CDK11B: variants seen among roughly 807,000 people sequenced by gnomAD.
CDK11B encodes the protein cyclin-dependent kinase 11B.
Under a neutral mutation model 84.0 loss-of-function variants are expected in CDK11B, and 37 were observed. The observed-to-expected ratio is 0.44, with a 90% CI of 0.34 to 0.58. The LOEUF (loss-of-function observed/expected upper bound fraction) is 0.58. CDK11B is among the 20% of genes least tolerant of loss of function. CDK11B has a pLI of 0.02. For synonymous variants in CDK11B, 269 were observed against 309.8 expected, an observed-to-expected ratio of 0.87 and a Z score of 1.38; for missense variants, 427 against 834.0, an observed-to-expected ratio of 0.51 and a Z score of 6.01.
intron 1 of CDK11B, among the ~76,000 whole-genome samples, 181 bp from the exon 2 acceptor site, chr1:1,657,679 G>A (rs1452769940): frequency 8.0e-6 from 1 of 125,560 alleles, no homozygotes; most frequent in African/African-American, 3.2e-5. Context: ...CGAGCAGATC[G>A]CTGGAGTTCC....
In CDK11B at chr1:1,649,514, T is replaced by TG; in HGVS notation, c.478dup (p.His160ProfsTer132). ...GCCGACTCACCTTTCTCTCCTGGAA[T>TG]GCTCCCTTGCCATCTCCCTTCTCTT... On this transcript the variant is annotated frameshift_variant, in exon 5 of 20. Coordinates refer to ENST00000341832, the MANE Select transcript of CDK11B (RefSeq NM_033486.3). LOFTEE classifies it high-confidence loss of function. 2 of 1,592,700 alleles carry TG rather than the reference T, an allele frequency of 1.3e-6. No individual in the cohort carries two copies. The highest frequency in any genetic ancestry group is 1.7e-5 in the Admixed American group (1 of 59,992).
intron 4 of CDK11B, among the ~76,000 whole-genome samples, chr1:1,650,702 C>T (rs1450694324): frequency 7.5e-6 from 1 of 133,724 alleles, no homozygotes; most frequent in Non-Finnish European, 1.6e-5. Context: ...GAGACAGGGT[C>T]TCGCTATATT....
chr1:1,656,212 C>T (rs1449103086), intron 2 of CDK11B, among the ~76,000 whole-genome samples: 1 of 151,754 alleles, frequency 6.6e-6, no homozygotes, highest in African/African-American at 2.4e-5. Flanking sequence ...TTAGGTCAGG[C>T]ATGGTGGCTC....
intron 11 of CDK11B, among the ~76,000 whole-genome samples, chr1:1,639,125 G>C (rs1014999648): frequency 3.3e-5 from 5 of 151,458 alleles, no homozygotes; most frequent in Admixed American, 1.3e-4. Flanking sequence ...ATTTTTAGTA[G>C]AGACAGGATT....
chr1:1,647,912 G>A (rs1315921875), intron 5 of CDK11B, among the ~76,000 whole-genome samples: 1 of 152,186 alleles, frequency 6.6e-6, no homozygotes, highest in African/African-American at 2.4e-5. Flanking sequence ...GAACCTCCGT[G>A]CTTCCCAAGT....
chr1:1,636,633 G>A, intron 17 of CDK11B, 49 bp downstream of exon 17: 20 of 1,611,602 alleles, frequency 1.2e-5, no homozygotes, highest in Non-Finnish European at 1.6e-5. Context: ...CCCCATTCCT[G>A]CAACTCCTCC....
rs1570127632 is a variant in CDK11B at position 1,645,802 on chromosome 1, T to C, written c.495-540A>G. The C allele has an allele frequency of 4.4e-5, 15 of 344,078 alleles. 1 individual carries two copies. The highest frequency in any genetic ancestry group is 3.3e-4 in the South Asian group (14 of 42,066). The allele number at this position is 344,078 out of a possible 1,614,324, so 21.3% of individuals were successfully genotyped here. A position where few individuals can be genotyped will look rare whatever the true frequency, so the allele number is the denominator to read the frequency against. On this transcript the variant is annotated intron_variant, in intron 5 of 19. Transcript: ENST00000341832. ...ATCATTGCTGTATCTTCCTGCTGTA[T>C]TGGCCTGTTTCTGGCTGTGAAGTCC...
rs773909896 is a variant in CDK11B, at chr1:1,636,991, C to A, written c.1706G>T (p.Gly569Val). Residue 569 changes from glycine (G) to valine (V), a missense_variant, in exon 16 of 20, where the codon GGG (glycine) becomes GTG (valine). Gly to Val is a moderately radical substitution (Grantham distance 109). This residue lies in a region of CDK11B where 170 missense variants were observed against 196.0 expected (regional missense o/e 0.87). Transcript: ENST00000341832. ...AGGGGATCCGTACTCCCGCGCCAGC[C>A]CGAAGTCACCCACCTGCAACGACAG... ...HAGILKVGDF[G>V]LAREYGSPLK... 2.5e-6 allele frequency: 4 copies of A among 1,612,122 alleles called. No individual in the cohort carries two copies. The Admixed American group carries it at 6.7e-5, about 27-fold the overall frequency.
chr1:1,651,254 TAAACA>T (rs1641964421), intron 4 of CDK11B, among the ~76,000 whole-genome samples: 1 of 152,184 alleles, frequency 6.6e-6, no homozygotes, highest in African/African-American at 2.4e-5. Context: ...ATTTTAAATG[TAAACA>T]AACTGCTTCC....
intron 11 of CDK11B, among the ~76,000 whole-genome samples, chr1:1,639,827 G>A (rs1639987710): frequency 6.6e-6 from 1 of 151,988 alleles, no homozygotes; most frequent in African/African-American, 2.4e-5. Flanking sequence ...ATTGATAGCT[G>A]CCTAAGCAAA....
At chr1:1,658,429 C>T (rs1014325273) in intron 1 of CDK11B, among the ~76,000 whole-genome samples, 1 of 149,348 alleles carries the variant, frequency 6.7e-6, no homozygotes, top group Non-Finnish European at 1.5e-5. Context: ...GTTTAGTCTT[C>T]CGTACAACCA....
Position 1,636,930 on chromosome 1 carries a change from C to A in CDK11B, c.1767G>T (p.Trp589Cys). 6.2e-7 allele frequency: 1 copy of A among 1,607,164 alleles called. No individual in the cohort carries two copies. Among genetic ancestry groups the A allele is most frequent in the South Asian group, 1.1e-5 (1 of 90,404 alleles). ...CAAGCAGCAGCTCTGGGGCGCGGTA[C>A]CACAGGGTCACCACGACCGGGGTGT... ...KAYTPVVVTL[W>C]YRAPELLLGA... Residue 589 changes from tryptophan (W) to cysteine (C), a missense_variant, in exon 16 of 20, where the codon TGG (tryptophan) becomes TGT (cysteine). Trp to Cys is a radical substitution (Grantham distance 215). This residue lies in a region of CDK11B where 170 missense variants were observed against 196.0 expected (regional missense o/e 0.87). Transcript: ENST00000341832.
chr1:1,648,517 C>G (rs556404178), intron 5 of CDK11B, among the ~76,000 whole-genome samples: 53 of 138,978 alleles, frequency 3.8e-4, no homozygotes, highest in Admixed American at 1.9e-3. Flanking sequence ...GCAAACATCG[C>G]TGCCCTTCCG....
In CDK11B at chr1:1,636,143, A is replaced by C; in HGVS notation, c.2067-17T>G. The C allele has an allele frequency of 1.7e-6, 1 of 579,812 alleles. No individual in the cohort carries two copies. Among genetic ancestry groups the C allele is most frequent in the South Asian group, 2.1e-5 (1 of 47,974 alleles). 35.9% of individuals were successfully genotyped at this position (579,812 alleles called of 1,614,324 possible). On this transcript the variant is annotated splice_polypyrimidine_tract_variant and intron_variant, in intron 18 of 19. Transcript: ENST00000341832. Reference sequence around the variant, plus strand: ...GTCAGGAACCTGGGGGGAGAGGGCCAGAGGCCCAGGAGGTGCTCGTGTGCT... The same window carrying C: ...GTCAGGAACCTGGGGGGAGAGGGCCCGAGGCCCAGGAGGTGCTCGTGTGCT...
At chr1:1,654,878 T>C (rs1157341679) in intron 3 of CDK11B, among the ~76,000 whole-genome samples, 1 of 149,570 alleles carries the variant, frequency 6.7e-6, no homozygotes, top group Non-Finnish European at 1.5e-5. Context: ...CAGGATGGTC[T>C]TGATCTTCTG....
intron 11 of CDK11B, among the ~76,000 whole-genome samples, chr1:1,639,597 G>A (rs1434170418): frequency 6.6e-6 from 1 of 151,864 alleles, no homozygotes; most frequent in Non-Finnish European, 1.5e-5. Context: ...ACTCGGGGTG[G>A]CCTGTGGCCC....
At chr1:1,636,851 A>T (rs1203725875) in intron 16 of CDK11B, 46 bp downstream of exon 16, 3 of 1,612,652 alleles carry the variant, frequency 1.9e-6, no homozygotes, top group Non-Finnish European at 2.5e-6. Context: ...AAGCTGTGGG[A>T]GGCTGCGTGG....
chr1:1,643,402 G>A (rs2100789714), intron 6 of CDK11B, among the ~76,000 whole-genome samples: 1 of 151,054 alleles, frequency 6.6e-6, no homozygotes, highest in East Asian at 1.9e-4. Flanking sequence ...ATCACATCAT[G>A]AGAATCAAAT....
intron 2 of CDK11B, among the ~76,000 whole-genome samples, chr1:1,656,958 C>A (rs1237572070): frequency 2.0e-5 from 3 of 152,196 alleles, no homozygotes; most frequent in African/African-American, 7.2e-5. Flanking sequence ...ATGCCTCTTA[C>A]CAAATTACTA....
Sources: gnomAD v4.1 joint callset for allele counts (sites outside exome capture counted in the v4.1 genomes callset) on GRCh38, gnomAD v4.1.1 for gene constraint, gnomAD v4.1.1 regional missense constraint, MANE v1.5 for transcripts, NCBI Gene and HGNC (gene_info 2026-07-23, HGNC 2026-07-21) for gene names.